Variants in HTR2C observed in about 807,000 individuals in gnomAD.
The protein encoded by HTR2C is 5-hydroxytryptamine (serotonin) receptor 2C, G protein-coupled.
In HTR2C, 5 loss-of-function variants were observed where a neutral mutation model predicts 21.0. That is an observed-to-expected ratio of 0.24 (90% CI 0.12 to 0.50). The LOEUF (loss-of-function observed/expected upper bound fraction) is 0.50, where lower values mean the gene tolerates loss of function less well. Ranked by LOEUF, HTR2C falls within the 20% of genes least tolerant of loss-of-function variation. The pLI is 0.98. For missense variants in HTR2C, 271 were observed against 371.2 expected (o/e 0.73, Z 2.22); for synonymous variants, 150 against 145.3 (o/e 1.03, Z -0.23).
At chrX:114,824,486 G>T (rs782214678) in intron 4 of HTR2C, among the ~76,000 whole-genome samples, 13 of 111,855 alleles carry the variant, frequency 1.2e-4, no homozygotes, top group Non-Finnish European at 1.3e-4. Flanking sequence ...TTTCACTATG[G>T]ATCTTTATAT....
intron 5 of HTR2C, among the ~76,000 whole-genome samples, chrX:114,855,470 G>A (rs1463464431): frequency 9.0e-6 from 1 of 110,837 alleles, no homozygotes; most frequent in African/African-American, 3.3e-5. Flanking sequence ...TATTGGGAAA[G>A]TTCAATCTCC....
chrX:114,672,725 T>C (rs1931425192), intron 2 of HTR2C, among the ~76,000 whole-genome samples: 2 of 112,258 alleles, frequency 1.8e-5, no homozygotes, highest in Admixed American at 9.5e-5. Flanking sequence ...TTAAGGCATG[T>C]ATACATTCTG....
chrX:114,705,757 C>G (rs1464129244), intron 2 of HTR2C, among the ~76,000 whole-genome samples: 1 of 70,876 alleles, frequency 1.4e-5, no homozygotes, highest in Non-Finnish European at 2.8e-5. Context: ...AAACTACCAT[C>G]AGAGTGAACA....
intron 4 of HTR2C, among the ~76,000 whole-genome samples, chrX:114,772,472 C>T (rs1180238750): frequency 1.9e-4 from 2 of 10,782 alleles, no homozygotes; most frequent in East Asian, 0.012. Context: ...TGTGTGGTGG[C>T]GGGGCGGGGC....
intron 2 of HTR2C, among the ~76,000 whole-genome samples, chrX:114,650,740 C>A (rs1372258884): frequency 1.3e-4 from 15 of 111,844 alleles, no homozygotes; most frequent in Middle Eastern, 4.2e-3. Context: ...TAGACAGTTC[C>A]TCATCTGTCT....
At chrX:114,841,733 T>G (rs1475471951) in intron 4 of HTR2C, among the ~76,000 whole-genome samples, 1 of 53,806 alleles carries the variant, frequency 1.9e-5, no homozygotes, top group Non-Finnish European at 4.0e-5. Flanking sequence ...AGAGTGAGAC[T>G]CCGTCTCAAA....
At chrX:114,615,734 G>A (rs1378539219) in intron 2 of HTR2C, among the ~76,000 whole-genome samples, 1 of 111,698 alleles carries the variant, frequency 9.0e-6, no homozygotes, top group Non-Finnish European at 1.9e-5. Context: ...CGACCTCTAT[G>A]TGCCAAATAT....
intron 5 of HTR2C, among the ~76,000 whole-genome samples, chrX:114,868,747 CTTT>C (rs2071066355): frequency 8.9e-6 from 1 of 111,846 alleles, no homozygotes; most frequent in Non-Finnish European, 1.9e-5. Flanking sequence ...AGCCATAGAG[CTTT>C]CCAAAAAGGC....
chrX:114,861,564 T>A (rs2071006672), intron 5 of HTR2C, among the ~76,000 whole-genome samples: 1 of 111,568 alleles, frequency 9.0e-6, no homozygotes, highest in African/African-American at 3.2e-5. Flanking sequence ...TTGAAGAACC[T>A]CCATACTGTT....
chrX:114,880,487 A>C (rs1429179620), intron 5 of HTR2C, among the ~76,000 whole-genome samples: 3 of 110,831 alleles, frequency 2.7e-5, no homozygotes, highest in Non-Finnish European at 5.7e-5. Flanking sequence ...TAATATATTA[A>C]TAGATGAATG....
chrX:114,612,064 T>G (rs938275336), intron 1 of HTR2C, among the ~76,000 whole-genome samples: 1 of 112,382 alleles, frequency 8.9e-6, no homozygotes, highest in Non-Finnish European at 1.9e-5. Context: ...TCATAAGGAA[T>G]GAAAAATATA....
rs377497950 is a variant in HTR2C at position 114,848,139 on chromosome X, T to C, written c.486T>C (p.His162=). ...TAGCAATACGTAATCCTATTGAGCA[T>C]AGCCGTTTCAATTCGCGGACTAAGG... is the stretch of plus-strand genomic sequence containing the variant. ...RYVAIRNPIE[H]SRFNSRTKAI... The change falls in exon 5 of 6, where the codon CAT becomes CAC. Residue 162 remains histidine (H), a synonymous_variant. Transcript: ENST00000276198. The C allele has an allele frequency of 3.3e-6, 4 of 1,210,123 alleles. No homozygotes were observed. Among genetic ancestry groups the C allele is most frequent in the East Asian group, 3.0e-5 (1 of 33,786 alleles).
At chrX:114,786,521 A>G (rs1276135974) in intron 4 of HTR2C, among the ~76,000 whole-genome samples, 1 of 111,861 alleles carries the variant, frequency 8.9e-6, no homozygotes, top group Non-Finnish European at 1.9e-5. Flanking sequence ...AGAAATGCAA[A>G]TGTTTACCCC....
chrX:114,724,856 T>C (rs1440186860), intron 2 of HTR2C, among the ~76,000 whole-genome samples: 2 of 102,343 alleles, frequency 2.0e-5, no homozygotes, highest in Admixed American at 2.2e-4. Context: ...CATTCTCTTC[T>C]GGCTTGTGGA....
intron 4 of HTR2C, among the ~76,000 whole-genome samples, chrX:114,781,302 C>A: frequency 9.0e-6 from 1 of 110,501 alleles, no homozygotes; most frequent in Non-Finnish European, 1.9e-5. Flanking sequence ...GCCCGGATAA[C>A]ATAACAAGAC....
chrX:114,746,551 A>G (rs782095002), intron 4 of HTR2C, among the ~76,000 whole-genome samples: 2 of 111,838 alleles, frequency 1.8e-5, no homozygotes, highest in East Asian at 5.7e-4. Flanking sequence ...GGCAAAAATG[A>G]ACTCCAAGAT....
rs181296218 is a variant in HTR2C at position 114,636,578 on chromosome X, C to T, written c.-80+22697C>T. Among the ~76,000 whole-genome samples, 587 of 112,025 alleles carry T rather than the reference C, an allele frequency of 5.2e-3. 2 individuals carry two copies. The highest frequency in any genetic ancestry group is 0.019 in the South Asian group (53 of 2,725). ...CTTAATATATAGTATATGCAAAATACAAGATCAAATGCAGATCATGTTTAA... is the reference window on the plus strand; with the variant it reads ...CTTAATATATAGTATATGCAAAATATAAGATCAAATGCAGATCATGTTTAA... On this transcript the variant is annotated intron_variant, in intron 2 of 5. Transcript: ENST00000276198.
At chrX:114,802,699 TTTC>T (rs1556447254) in intron 4 of HTR2C, among the ~76,000 whole-genome samples, 2 of 95,087 alleles carry the variant, frequency 2.1e-5, no homozygotes, top group East Asian at 6.8e-4. Flanking sequence ...TCTTTCTTTC[TTTC>T]TTTCTTTCTT....
intron 2 of HTR2C, among the ~76,000 whole-genome samples, chrX:114,704,327 T>G (rs782785760): frequency 9.0e-6 from 1 of 111,135 alleles, no homozygotes; most frequent in African/African-American, 3.3e-5. Context: ...ACTGGCAAAC[T>G]GAATCCAGCA....
Sources: gnomAD v4.1 joint callset for allele counts (sites outside exome capture counted in the v4.1 genomes callset) on GRCh38, gnomAD v4.1.1 for gene constraint, MANE v1.5 for transcripts, NCBI Gene and HGNC (gene_info 2026-07-23, HGNC 2026-07-21) for gene names.